Variants in THRA observed in about 807,000 individuals in gnomAD.
THRA encodes EAR-7.
A neutral mutation model predicts 45.0 loss-of-function variants in THRA; 13 were observed. The ratio of observed to expected loss-of-function variants is 0.29; its 90% CI spans 0.19 to 0.46. THRA has a LOEUF of 0.46. Among genes scored for constraint, THRA ranks in the 20% least tolerant of loss-of-function variants. THRA has a pLI of 1.00. For missense variants in THRA, 278 were observed against 556.1 expected, an observed-to-expected ratio of 0.50 and a Z score of 5.03; for synonymous variants, 195 against 214.0, an observed-to-expected ratio of 0.91 and a Z score of 0.78.
intron 4 of THRA, among the ~76,000 whole-genome samples, chr17:40,078,277 G>A (rs1987020087): frequency 2.6e-5 from 4 of 152,184 alleles, no homozygotes; most frequent in Admixed American, 2.0e-4. Context: ...GATCCCAGGA[G>A]TTTGAGACCA....
intron 4 of THRA, among the ~76,000 whole-genome samples, chr17:40,083,476 G>T (rs995403732): frequency 6.6e-6 from 1 of 152,192 alleles, no homozygotes; most frequent in Non-Finnish European, 1.5e-5. Context: ...GCCTCCCAAA[G>T]TGTTGGGATT....
chr17:40,079,667 C>G (rs984724142), intron 4 of THRA, among the ~76,000 whole-genome samples: 4 of 152,170 alleles, frequency 2.6e-5, no homozygotes, highest in African/African-American at 9.7e-5. Context: ...GGTTACCACA[C>G]CCGGTGGCAC....
intron 1 of THRA, among the ~76,000 whole-genome samples, chr17:40,064,239 TACCC>T (rs1222858050): frequency 5.9e-5 from 9 of 151,998 alleles, no homozygotes; most frequent in Non-Finnish European, 1.0e-4. Context: ...TCCATGCACA[TACCC>T]ACGCACAGGG....
chr17:40,086,464 A>G (rs539514330), intron 6 of THRA, among the ~76,000 whole-genome samples: 62 of 152,342 alleles, frequency 4.1e-4, no homozygotes, highest in African/African-American at 1.4e-3. Flanking sequence ...CTGATCATAT[A>G]TTAAGTATTC....
At chr17:40,088,056 G>A (rs575745741) in intron 7 of THRA, among the ~76,000 whole-genome samples, 186 bp from the exon 8 acceptor site, 15 of 152,242 alleles carry the variant, frequency 9.9e-5, no homozygotes, top group Non-Finnish European at 2.1e-4. Context: ...CCACTGCGCC[G>A]GGCCTCACAG....
intron 6 of THRA, among the ~76,000 whole-genome samples, chr17:40,085,092 C>G (rs1169780180): frequency 6.6e-6 from 1 of 152,142 alleles, no homozygotes; most frequent in Non-Finnish European, 1.5e-5. Flanking sequence ...TTTTCCTGCC[C>G]TTAGTGACTG....
Position 40,089,650 on chromosome 17 carries a change from C to T in THRA, c.*194C>T. The T allele has an allele frequency of 4.9e-6, 7 of 1,426,428 alleles. No individual in the cohort carries two copies. Among genetic ancestry groups the T allele is most frequent in the South Asian group, 3.0e-5 (2 of 66,418 alleles). The allele number at this position is 1,426,428 out of a possible 1,614,324, so 88.4% of individuals were successfully genotyped here. A position where few individuals can be genotyped will look rare whatever the true frequency, so the allele number is the denominator to read the frequency against. On this transcript the variant is annotated 3_prime_UTR_variant, in exon 9 of 9. Coordinates refer to ENST00000450525, the MANE Select transcript of THRA (RefSeq NM_199334.5). The surrounding 1 kb of genome is among the most constrained non-coding windows in gnomAD (Gnocchi z 6.1). ...ACCTCCAGCCCTGGGACAGGGCAAA[C>T]AACTGAACTTGCTATGGAAAGGACA...
rs1987463586 is a variant in THRA, at chr17:40,089,672, G to A, written c.*216G>A. ...AAACAACTGAACTTGCTATGGAAAG[G>A]ACAGTGTGGGAGGCTGGGGGAGCTG... On this transcript the variant is annotated 3_prime_UTR_variant, in exon 9 of 9. Transcript: ENST00000450525. This position sits in a 1 kb window ranked among gnomAD's most constrained non-coding sequence, Gnocchi z 6.1. 3 of 1,406,718 alleles carry A rather than the reference G, an allele frequency of 2.1e-6. No individual in the cohort carries two copies. Among genetic ancestry groups the A allele is most frequent in the Non-Finnish European group, 1.8e-6 (2 of 1,081,398 alleles). 87.1% of individuals were successfully genotyped at this position (1,406,718 alleles called of 1,614,324 possible).
Position 40,074,259 on chromosome 17 carries a change from GC to G in THRA, c.-229del. Reference sequence around the variant, plus strand: ...ACACAGCCCGGGACCCACAAACCCAGCTTGCCCCCAGCCCTCCCACCTGCCA... The same window carrying G: ...ACACAGCCCGGGACCCACAAACCCAGTTGCCCCCAGCCCTCCCACCTGCCA... On this transcript the variant is annotated 5_prime_UTR_variant, in exon 2 of 9. Transcript: ENST00000450525. The G allele has an allele frequency of 1.8e-6, 1 of 564,466 alleles. No homozygotes were observed. Among genetic ancestry groups the G allele is most frequent in the Non-Finnish European group, 3.2e-6 (1 of 313,612 alleles). 35.0% of individuals were successfully genotyped at this position (564,466 alleles called of 1,614,324 possible).
rs563915620 is a variant in THRA, at chr17:40,078,066, T to C, written c.222+458T>C. On this transcript the variant is annotated intron_variant, in intron 4 of 8. Transcript: ENST00000450525. ...CTCTGCCACTCACAGGAAAATTGCCTAACTTCTTCGAGCCTTAGTTTCAGT... is the reference window on the plus strand; with the variant it reads ...CTCTGCCACTCACAGGAAAATTGCCCAACTTCTTCGAGCCTTAGTTTCAGT... Among the ~76,000 whole-genome samples, 3 of 152,384 alleles carry C rather than the reference T, an allele frequency of 2.0e-5. No homozygotes were observed. In the East Asian group the frequency reaches 5.8e-4, roughly 29 times the overall value.
At chr17:40,077,728 A>T in intron 4 of THRA, 120 bp downstream of exon 4, 1 of 752,846 alleles carries the variant, frequency 1.3e-6, no homozygotes, top group East Asian at 2.7e-5. Context: ...ACGGAGTCTC[A>T]CTCTTGTCCC....
In THRA at chr17:40,092,481, C is replaced by T. The variant is rs974549280; in HGVS notation, c.*3025C>T. 3 of 153,152 alleles carry T rather than the reference C, an allele frequency of 2.0e-5. No individual in the cohort carries two copies. The highest frequency in any genetic ancestry group is 7.3e-5 in the African/African-American group (3 of 41,336). 9.5% of individuals were successfully genotyped at this position (153,152 alleles called of 1,614,324 possible). On this transcript the variant is annotated 3_prime_UTR_variant, in exon 9 of 9. Coordinates refer to ENST00000450525, the MANE Select transcript of THRA (RefSeq NM_199334.5). The stretch of plus-strand genomic sequence containing the variant: ...TGACTTGAGGGGCTCCTACTCCTGC[C>T]CCACGTTGACAATCAGTATGTCTGT...
intron 1 of THRA, among the ~76,000 whole-genome samples, chr17:40,071,829 T>G (rs887246885): frequency 1.3e-4 from 20 of 152,192 alleles, no homozygotes; most frequent in African/African-American, 4.3e-4. Flanking sequence ...CTCGCCTCTG[T>G]ATCACCCCAA....
chr17:40,069,874 A>G (rs1209738080), intron 1 of THRA, among the ~76,000 whole-genome samples: 1 of 151,856 alleles, frequency 6.6e-6, no homozygotes, highest in African/African-American at 2.4e-5. Context: ...GAGGAGGGAG[A>G]GGAGAGCAGC....
At chr17:40,069,909 C>T (rs1460741581) in intron 1 of THRA, among the ~76,000 whole-genome samples, 1 of 151,692 alleles carries the variant, frequency 6.6e-6, no homozygotes. Flanking sequence ...ATGGGGGAGC[C>T]GAGTGGGAAG....
At position 40,083,914 on chromosome 17, in the gene THRA, A is replaced by G. The variant is rs1987232956; in HGVS notation, c.302A>G (p.Lys101Arg). ...CKYDSCCVID[K>R]ITRNQCQLCR... ...TATGACAGCTGCTGTGTCATTGACAAGATCACCCGCAATCAGTGCCAGCTG... is the reference window on the plus strand; with the variant it reads ...TATGACAGCTGCTGTGTCATTGACAGGATCACCCGCAATCAGTGCCAGCTG... The change falls in exon 5 of 9, where the codon AAG becomes AGG. Residue 101 changes from lysine to arginine, a missense_variant. Coordinates refer to ENST00000450525, the MANE Select transcript of THRA (RefSeq NM_199334.5). 6.2e-7 allele frequency: 1 copy of G among 1,613,916 alleles called. No homozygotes were observed. The highest frequency in any genetic ancestry group is 1.3e-5 in the African/African-American group (1 of 74,916).
intron 1 of THRA, among the ~76,000 whole-genome samples, chr17:40,069,389 C>G (rs1344618622): frequency 2.0e-5 from 3 of 151,220 alleles, no homozygotes; most frequent in Admixed American, 2.0e-4. Flanking sequence ...CTTTCTTTCC[C>G]CCTCCACCAT....
intron 3 of THRA, 81 bp from the exon 4 acceptor site, chr17:40,077,427 A>C: frequency 7.6e-7 from 1 of 1,308,712 alleles, no homozygotes; most frequent in Non-Finnish European, 1.1e-6. Flanking sequence ...CAAAAAGTTG[A>C]GGGATGGGGA....
intron 7 of THRA, 35 bp from the exon 8 acceptor site, chr17:40,088,207 A>G: frequency 6.4e-7 from 1 of 1,556,900 alleles, no homozygotes; most frequent in Non-Finnish European, 8.7e-7. Context: ...GGGGAGGGGT[A>G]TGCTGAGTGC....
Sources: allele counts gnomAD v4.1 joint callset (sites outside exome capture counted in the v4.1 genomes callset), GRCh38; gene constraint gnomAD v4.1.1; non-coding constraint Gnocchi (gnomAD v3.1); transcripts MANE v1.5; gene names NCBI Gene and HGNC (gene_info 2026-07-23, HGNC 2026-07-21).